The following SPSB1 variants were observed in gnomAD, a reference collection of about 807,000 sequenced individuals.
The protein encoded by SPSB1 is SPRY domain-containing SOCS box protein 1.
SPSB1 carries 8 observed loss-of-function variants against 21.2 expected under a neutral mutation model. The ratio of observed to expected loss-of-function variants is 0.38; its 90% CI spans 0.22 to 0.68. The LOEUF is 0.68. SPSB1 is among the 30% of genes least tolerant of loss of function. The pLI is 0.53. For synonymous variants in SPSB1, 169 were observed against 161.7 expected (o/e 1.05, Z -0.34); for missense variants, 242 against 377.8 (o/e 0.64, Z 2.98).
Position 9,324,020 on chromosome 1 carries a change from C to A in SPSB1, c.-150+30949C>A, listed in dbSNP as rs143964206. 1.2e-3 allele frequency among the ~76,000 whole-genome samples: 182 copies of A among 152,304 alleles called. No homozygotes were observed. Among genetic ancestry groups the A allele is most frequent in the African/African-American group, 4.2e-3 (175 of 41,558 alleles). On this transcript the variant is annotated intron_variant, in intron 1 of 2. Coordinates refer to ENST00000328089, the MANE Select transcript of SPSB1 (RefSeq NM_025106.4). This position sits in a 1 kb window ranked among gnomAD's most constrained non-coding sequence, Gnocchi z 4.3. ...GACTACCCACAGCTGTCCTTGATGG[C>A]CCAAACTCGGGCCGCAGAACCCCTC...
At chr1:9,301,663 G>C (rs1639332094) in intron 1 of SPSB1, among the ~76,000 whole-genome samples, 1 of 152,224 alleles carries the variant, frequency 6.6e-6, no homozygotes, top group South Asian at 2.1e-4. Flanking sequence ...GTCATCGCCT[G>C]GTGGGCTCAG....
Position 9,345,120 on chromosome 1 carries a change from C to T in SPSB1, c.-149-10623C>T, listed in dbSNP as rs917482666. ...AGTCCCACAGGAGGCTAGGCTGGAG[C>T]GAGGCCCTTCCAGAGAACCAGCTTC... is the stretch of plus-strand genomic sequence containing the variant. On this transcript the variant is annotated intron_variant, in intron 1 of 2. Transcript: ENST00000328089. This position sits in a 1 kb window ranked among gnomAD's most constrained non-coding sequence, Gnocchi z 4.8. Among the ~76,000 whole-genome samples the T allele has an allele frequency of 2.0e-5, 3 of 152,178 alleles. No individual in the cohort carries two copies. Among genetic ancestry groups the T allele is most frequent in the East Asian group, 1.9e-4 (1 of 5,196 alleles).
chr1:9,310,119 AG>A (rs1639492890), intron 1 of SPSB1, among the ~76,000 whole-genome samples: 1 of 129,124 alleles, frequency 7.7e-6, no homozygotes, highest in Admixed American at 7.2e-5. Flanking sequence ...CACAGAGTCT[AG>A]GGGCCATCTG....
rs1569571885 is a variant in SPSB1, at chr1:9,305,995, A to G, written c.-150+12924A>G. On this transcript the variant is annotated intron_variant, in intron 1 of 2. Transcript: ENST00000328089. This position sits in a 1 kb window ranked among gnomAD's most constrained non-coding sequence, Gnocchi z 4.8. ...TGGGGACATTTGTGCAATTGCGAGT[A>G]ACGTGGGAGAGGGGTTCGTGCTTTA... Among the ~76,000 whole-genome samples the G allele has an allele frequency of 6.6e-6, 1 of 152,272 alleles. No homozygotes were observed. Among genetic ancestry groups the G allele is most frequent in the African/African-American group, 2.4e-5 (1 of 41,558 alleles).
intron 1 of SPSB1, among the ~76,000 whole-genome samples, chr1:9,294,826 C>T (rs1347028919): frequency 6.6e-6 from 1 of 152,100 alleles, no homozygotes; most frequent in African/African-American, 2.4e-5. Context: ...TGCCCTGTCC[C>T]CCTCCTCAGA....
intron 1 of SPSB1, among the ~76,000 whole-genome samples, chr1:9,301,127 C>T (rs1294030): frequency 5.1e-4 from 78 of 152,204 alleles, no homozygotes; most frequent in African/African-American, 1.4e-3. Context: ...ATGGGCTGTG[C>T]CTGATGATTT....
Position 9,363,726 on chromosome 1 carries a change from G to A in SPSB1, c.695-3722G>A, listed in dbSNP as rs1640513570. On this transcript the variant is annotated intron_variant, in intron 2 of 2. Transcript: ENST00000328089. The surrounding 1 kb of genome is among the most constrained non-coding windows in gnomAD (Gnocchi z 4.5). ...AAATTTTTTTTTTTTTGGAGATGGAGTCTCATTCTGTCACCCAGGCTGTAG... is the reference window on the plus strand; with the variant it reads ...AAATTTTTTTTTTTTTGGAGATGGAATCTCATTCTGTCACCCAGGCTGTAG... 6.6e-6 allele frequency among the ~76,000 whole-genome samples: 1 copy of A among 151,820 alleles called. No individual in the cohort carries two copies. Among genetic ancestry groups the A allele is most frequent in the Non-Finnish European group, 1.5e-5 (1 of 67,950 alleles).
chr1:9,295,841 G>A (rs1639215488), intron 1 of SPSB1, among the ~76,000 whole-genome samples: 1 of 152,204 alleles, frequency 6.6e-6, no homozygotes, highest in Non-Finnish European at 1.5e-5. Context: ...TCGAGAAATA[G>A]GTTGTAGCTG....
intron 1 of SPSB1, among the ~76,000 whole-genome samples, chr1:9,332,850 A>T (rs1639945048): frequency 6.6e-6 from 1 of 152,184 alleles, no homozygotes; most frequent in South Asian, 2.1e-4. Context: ...TGCAGGGTCT[A>T]GGCCTGAGGT....
At chr1:9,334,953 C>T (rs960450346) in intron 1 of SPSB1, among the ~76,000 whole-genome samples, 56 of 152,154 alleles carry the variant, frequency 3.7e-4, no homozygotes, top group African/African-American at 1.3e-3. Flanking sequence ...TGTCCGTGGA[C>T]GCGGGTTGCT....
chr1:9,368,799 CTG>C lies in SPSB1; in HGVS notation c.*1225_*1226del, dbSNP rs1050234888. The C allele has an allele frequency of 6.6e-6, 1 of 152,208 alleles. No individual in the cohort carries two copies. Among genetic ancestry groups the C allele is most frequent in the African/African-American group, 2.4e-5 (1 of 41,378 alleles). 9.4% of individuals were successfully genotyped at this position (152,208 alleles called of 1,614,324 possible). ...TCTGCTCAGCACCCCAGCCGGGGCT[CTG>C]GACCCAGGGTAACAGCCCCAGTTCA... On this transcript the variant is annotated 3_prime_UTR_variant, in exon 3 of 3. Transcript: ENST00000328089.
intron 1 of SPSB1, among the ~76,000 whole-genome samples, chr1:9,349,641 A>C (rs1405779042): frequency 5.3e-5 from 8 of 152,082 alleles, no homozygotes. Context: ...GTGTCAGGGA[A>C]CTCGTGCCAC....
At chr1:9,315,720 TG>T (rs978099322) in intron 1 of SPSB1, among the ~76,000 whole-genome samples, 1 of 152,136 alleles carries the variant, frequency 6.6e-6, no homozygotes, top group South Asian at 2.1e-4. Context: ...GGGGAGTTGG[TG>T]GGGGGCCTCA....
At position 9,293,134 on chromosome 1, in the gene SPSB1, C is replaced by A; in HGVS notation, c.-150+63C>A. ...GCGACCGGCCCGGGAGGGGGAGGCGCGGGGGGCCGGGCGAGGGCGGACGCG... is the reference window on the plus strand; with the variant it reads ...GCGACCGGCCCGGGAGGGGGAGGCGAGGGGGGCCGGGCGAGGGCGGACGCG... On this transcript the variant is annotated intron_variant, in intron 1 of 2. Coordinates refer to ENST00000328089, the MANE Select transcript of SPSB1 (RefSeq NM_025106.4). This position sits in a 1 kb window ranked among gnomAD's most constrained non-coding sequence, Gnocchi z 5.1. 5.1e-6 allele frequency: 5 copies of A among 973,288 alleles called. No homozygotes were observed. The highest frequency in any genetic ancestry group is 6.1e-6 in the Non-Finnish European group (5 of 821,612). 60.3% of individuals were successfully genotyped at this position (973,288 alleles called of 1,614,324 possible).
intron 1 of SPSB1, among the ~76,000 whole-genome samples, chr1:9,349,545 A>C (rs369713101): frequency 1.3e-5 from 2 of 152,242 alleles, no homozygotes; most frequent in African/African-American, 4.8e-5. Context: ...CTGATCTCTG[A>C]CACAAGGCGT....
rs1167884096 is a variant in SPSB1 at position 9,317,806 on chromosome 1, A to C, written c.-150+24735A>C. On this transcript the variant is annotated intron_variant, in intron 1 of 2. Coordinates refer to ENST00000328089, the MANE Select transcript of SPSB1 (RefSeq NM_025106.4). This position sits in a 1 kb window ranked among gnomAD's most constrained non-coding sequence, Gnocchi z 4.3. The stretch of plus-strand genomic sequence containing the variant: ...CCAGAAAAGACAGTTTCAGAGCCTT[A>C]TGTAGGTGATTTCCGGTGGCGAGGG... Among the ~76,000 whole-genome samples the C allele has an allele frequency of 6.7e-6, 1 of 148,838 alleles. No homozygotes were observed. Among genetic ancestry groups the C allele is most frequent in the Admixed American group, 6.7e-5 (1 of 14,966 alleles).
chr1:9,360,802 T>C (rs1640459341), intron 2 of SPSB1, among the ~76,000 whole-genome samples: 1 of 152,188 alleles, frequency 6.6e-6, no homozygotes, highest in Non-Finnish European at 1.5e-5. Context: ...CAGATAAGGC[T>C]CCACTCTGAA....
rs146584823 is a variant in SPSB1, at chr1:9,325,761, G to A, written c.-149-29982G>A. Among the ~76,000 whole-genome samples the A allele has an allele frequency of 3.5e-3, 533 of 152,304 alleles. 3 individuals carry two copies. The highest frequency in any genetic ancestry group is 0.012 in the African/African-American group (507 of 41,560). ...AGAGCATGGCACGGGGGCAAAGGACGTTTGCCATTTGGGCAGGATGGCTGA... is the reference window on the plus strand; with the variant it reads ...AGAGCATGGCACGGGGGCAAAGGACATTTGCCATTTGGGCAGGATGGCTGA... On this transcript the variant is annotated intron_variant, in intron 1 of 2. Transcript: ENST00000328089.
Position 9,367,615 on chromosome 1 carries a change from C to T in SPSB1, c.*40C>T. 6 of 1,553,790 alleles carry T rather than the reference C, an allele frequency of 3.9e-6. No individual in the cohort carries two copies. The highest frequency in any genetic ancestry group is 5.2e-6 in the Non-Finnish European group (6 of 1,147,838). Reference sequence around the variant, plus strand: ...CCGCCAGCGCGACAGCCACCTGGTGCCAACTCACTGAGCCGCCTGCCGCTG... The same window carrying T: ...CCGCCAGCGCGACAGCCACCTGGTGTCAACTCACTGAGCCGCCTGCCGCTG... On this transcript the variant is annotated 3_prime_UTR_variant, in exon 3 of 3. Transcript: ENST00000328089. The surrounding 1 kb of genome is among the most constrained non-coding windows in gnomAD (Gnocchi z 5.9).
Sources: allele counts gnomAD v4.1 joint callset (sites outside exome capture counted in the v4.1 genomes callset), GRCh38; gene constraint gnomAD v4.1.1; non-coding constraint Gnocchi (gnomAD v3.1); transcripts MANE v1.5; gene names NCBI Gene and HGNC (gene_info 2026-07-23, HGNC 2026-07-21).